Variants in NCALD observed in about 807,000 individuals in gnomAD.
The protein encoded by NCALD is neurocalcin delta, also known as neurocalcin-delta.
A neutral mutation model predicts 18.6 loss-of-function variants in NCALD; 10 were observed. That is an observed-to-expected ratio of 0.54 (90% CI 0.33 to 0.91). The LOEUF (loss-of-function observed/expected upper bound fraction) is 0.91. Among genes scored for constraint, NCALD ranks in the 40% least tolerant of loss-of-function variants. The probability of loss-of-function intolerance (pLI) is 0.03; values close to 1 mark genes in which losing one functional copy is unlikely to be tolerated. For synonymous variants in NCALD, 88 were observed against 87.4 expected (o/e 1.01, Z -0.04); for missense variants, 184 against 247.6 (o/e 0.74, Z 1.72).
rs550739144 is a variant in NCALD, at chr8:101,820,075, G to A, written c.-20+67066C>T. Among the ~76,000 whole-genome samples, 7 of 152,296 alleles carry A rather than the reference G, an allele frequency of 4.6e-5. No individual in the cohort carries two copies. The South Asian group carries it at 1.2e-3, about 27-fold the overall frequency. ...TGATGTTCTCCTTTACAACTCTGAG[G>A]GTTAGATATTTTAATTTGTTTTATT... is the stretch of plus-strand genomic sequence containing the variant. On this transcript the variant is annotated intron_variant, in intron 4 of 6. Coordinates refer to the NCALD transcript ENST00000311028.
At chr8:101,888,036 TC>T (rs1816736853) in intron 3 of NCALD, among the ~76,000 whole-genome samples, 2 of 152,292 alleles carry the variant, frequency 1.3e-5, no homozygotes, top group African/African-American at 4.8e-5. Flanking sequence ...GTCATGGCAG[TC>T]CCAGTGAAAG....
intron 2 of NCALD, among the ~76,000 whole-genome samples, chr8:101,712,446 A>T (rs762389153): frequency 1.3e-5 from 2 of 152,150 alleles, no homozygotes; most frequent in Non-Finnish European, 2.9e-5. Context: ...AATGCCCCCA[A>T]TTAAAAGGCA....
chr8:101,894,175 G>C (rs1443270820), intron 3 of NCALD, among the ~76,000 whole-genome samples: 1 of 135,674 alleles, frequency 7.4e-6, no homozygotes, highest in Non-Finnish European at 1.5e-5. Context: ...TCAGACCACA[G>C]TGCAATCAAA....
At chr8:101,791,149 C>T (rs150441233), upstream of NCALD, among the ~76,000 whole-genome samples, 6 of 152,214 alleles carry the variant, frequency 3.9e-5, no homozygotes, top group South Asian at 4.1e-4. Flanking sequence ...TATGTGTGTA[C>T]GCACACACCA....
intron 1 of NCALD, among the ~76,000 whole-genome samples, chr8:102,073,686 A>G (rs1338219531): frequency 6.6e-6 from 1 of 152,210 alleles, no homozygotes; most frequent in Non-Finnish European, 1.5e-5. Context: ...AAAGGAGTGT[A>G]CAAAGATGGG....
At chr8:102,044,913 T>C (rs1222828117) in intron 1 of NCALD, among the ~76,000 whole-genome samples, 1 of 152,062 alleles carries the variant, frequency 6.6e-6, no homozygotes, top group Non-Finnish European at 1.5e-5. Context: ...TGGAATCCTG[T>C]GAGGATTCAA....
At chr8:101,840,111 C>T (rs201533371) in intron 4 of NCALD, among the ~76,000 whole-genome samples, 1 of 138,872 alleles carries the variant, frequency 7.2e-6, no homozygotes, top group African/African-American at 2.8e-5. Flanking sequence ...CCATAAGCAA[C>T]AAAATAAAAA....
At chr8:101,728,737 G>A (rs28619877) in intron 1 of NCALD, among the ~76,000 whole-genome samples, 2 of 152,034 alleles carry the variant, frequency 1.3e-5, no homozygotes, top group African/African-American at 4.8e-5. Flanking sequence ...GGAGAATCAC[G>A]TGAACCAGGG....
chr8:101,992,987 A>C (rs188600776), intron 2 of NCALD, among the ~76,000 whole-genome samples: 126 of 149,286 alleles, frequency 8.4e-4, no homozygotes, highest in African/African-American at 3.0e-3. Flanking sequence ...TAGCTCGTCC[A>C]AGATAAGCCG....
intron 2 of NCALD, among the ~76,000 whole-genome samples, chr8:101,709,364 T>G (rs940378029): frequency 6.6e-6 from 1 of 152,258 alleles, no homozygotes; most frequent in Non-Finnish European, 1.5e-5. Flanking sequence ...CTTTGGTTCC[T>G]TCTTTATCTT....
At chr8:102,081,399 CATAT>C (rs751274168) in intron 1 of NCALD, among the ~76,000 whole-genome samples, 49 of 151,988 alleles carry the variant, frequency 3.2e-4, no homozygotes, top group Non-Finnish European at 6.8e-4. Context: ...AAGCCCTTTT[CATAT>C]AGAAAATTGA....
chr8:101,839,659 T>C (rs1389468665), intron 4 of NCALD, among the ~76,000 whole-genome samples: 1 of 152,180 alleles, frequency 6.6e-6, no homozygotes, highest in African/African-American at 2.4e-5. Context: ...AGCTCCTATA[T>C]GGAAATTCAG....
chr8:102,111,862 A>G (rs1563627408), intron 1 of NCALD, among the ~76,000 whole-genome samples: 1 of 152,216 alleles, frequency 6.6e-6, no homozygotes, highest in African/African-American at 2.4e-5. Context: ...ACGTAAAAAT[A>G]GGGGAAGAAA....
intron 2 of NCALD, among the ~76,000 whole-genome samples, chr8:101,707,903 TAATA>T (rs144465707): frequency 0.026 from 3,915 of 151,666 alleles, 134 homozygotes; most frequent in African/African-American, 0.077. Context: ...AATAAATAAA[TAATA>T]AATAAATAAA....
At chr8:101,762,776 G>A (rs1811168818) in intron 1 of NCALD, among the ~76,000 whole-genome samples, 1 of 152,002 alleles carries the variant, frequency 6.6e-6, no homozygotes. Flanking sequence ...GTTTCGCCAT[G>A]TTGACCAGGC....
chr8:101,959,742 G>A (rs1819767043), intron 2 of NCALD, among the ~76,000 whole-genome samples: 1 of 152,080 alleles, frequency 6.6e-6, no homozygotes, highest in African/African-American at 2.4e-5. Flanking sequence ...CCCTAGTTCT[G>A]AAATCTGTAA....
At chr8:101,700,028 TTTTATTTATTTA>T (rs35567665) in intron 2 of NCALD, among the ~76,000 whole-genome samples, 11 of 149,872 alleles carry the variant, frequency 7.3e-5, no homozygotes, top group Non-Finnish European at 1.2e-4. Flanking sequence ...TGCTCTCTAT[TTTTATTTATTTA>T]TTTATTTATT....
chr8:101,835,687 G>A (rs1213433240), intron 4 of NCALD, among the ~76,000 whole-genome samples: 2 of 152,100 alleles, frequency 1.3e-5, no homozygotes, highest in Non-Finnish European at 2.9e-5. Context: ...TTGCTCATAT[G>A]GTATACCTAG....
chr8:101,789,483 T>C (rs913538060), intron 1 of NCALD, among the ~76,000 whole-genome samples: 19 of 152,344 alleles, frequency 1.2e-4, no homozygotes, highest in Admixed American at 1.2e-3. Flanking sequence ...CCCACAGTTA[T>C]TCACTTATTA....
Sources: allele counts gnomAD v4.1 joint callset (sites outside exome capture counted in the v4.1 genomes callset), GRCh38; gene constraint gnomAD v4.1.1; transcripts MANE v1.5; gene names NCBI Gene and HGNC (gene_info 2026-07-23, HGNC 2026-07-21).